PLBD1: variants seen among roughly 807,000 people sequenced by gnomAD.
The protein encoded by PLBD1 is lysosomal leucine aminopeptidase.
In PLBD1, 60 loss-of-function variants were observed where a neutral mutation model predicts 63.0. The observed-to-expected ratio is 0.95, with a 90% CI of 0.77 to 1.18. The LOEUF is 1.18. Ranked by LOEUF, PLBD1 falls within the 50% of genes most tolerant of loss-of-function variation. The pLI is 0.00. For missense variants in PLBD1, 598 were observed against 677.9 expected, an observed-to-expected ratio of 0.88 and a Z score of 1.31; for synonymous variants, 262 against 248.0, an observed-to-expected ratio of 1.06 and a Z score of -0.53.
intron 6 of PLBD1, among the ~76,000 whole-genome samples, chr12:14,532,296 A>G (rs1224040112): frequency 1.3e-5 from 2 of 152,234 alleles, no homozygotes. Context: ...AAAAGGCCTC[A>G]GAGGGGCCAG....
chr12:14,565,205 C>T (rs1019747556), intron 1 of PLBD1, among the ~76,000 whole-genome samples: 1 of 152,146 alleles, frequency 6.6e-6, no homozygotes, highest in Non-Finnish European at 1.5e-5. Flanking sequence ...GTAGCTCACA[C>T]CTGTAATCCC....
intron 8 of PLBD1, 65 bp downstream of exon 8, chr12:14,511,194 TC>T: frequency 9.8e-6 from 14 of 1,425,310 alleles, no homozygotes; most frequent in Non-Finnish European, 1.2e-5. Context: ...CAATGTGCAT[TC>T]CCCTACCATA....
intron 1 of PLBD1, among the ~76,000 whole-genome samples, chr12:14,561,046 G>C (rs377389859): frequency 6.6e-6 from 1 of 151,722 alleles, no homozygotes; most frequent in East Asian, 1.9e-4. Context: ...CCCTGAGGTG[G>C]AAATTAAGAG....
chr12:14,536,882 G>A (rs1475465787), intron 4 of PLBD1, among the ~76,000 whole-genome samples, 172 bp from the exon 5 acceptor site: 1 of 152,022 alleles, frequency 6.6e-6, no homozygotes, highest in African/African-American at 2.4e-5. Flanking sequence ...CGAGGTGAGG[G>A]GTTTGAGACC....
chr12:14,505,217 A>T (rs1368533334), intron 10 of PLBD1, among the ~76,000 whole-genome samples: 1 of 151,466 alleles, frequency 6.6e-6, no homozygotes, highest in Non-Finnish European at 1.5e-5. Flanking sequence ...ACTTTAAAGC[A>T]TTTCCTGTTT....
chr12:14,540,696 T>C, intron 4 of PLBD1, 68 bp downstream of exon 4: 2 of 1,402,102 alleles, frequency 1.4e-6, no homozygotes, highest in South Asian at 3.6e-5. Context: ...TGGAATGTTA[T>C]TTTAAAGATA....
At chr12:14,530,311 G>A (rs1476457584) in intron 6 of PLBD1, 1 of 152,172 alleles carries the variant, frequency 6.6e-6, no homozygotes, top group African/African-American at 2.4e-5. Context: ...CTCAGTCATT[G>A]AGTCTTCCAG....
chr12:14,508,153 T>C (rs1198615690), intron 8 of PLBD1, among the ~76,000 whole-genome samples: 1 of 152,224 alleles, frequency 6.6e-6, no homozygotes, highest in Non-Finnish European at 1.5e-5. Context: ...AAAACAGATT[T>C]GTTGCTAAAA....
chr12:14,535,626 A>C, intron 6 of PLBD1, 33 bp downstream of exon 6: 1 of 1,610,282 alleles, frequency 6.2e-7, no homozygotes, highest in Non-Finnish European at 8.5e-7. Flanking sequence ...AATAGTACTC[A>C]AAGTGCTCAG....
rs1487795970 is a variant in PLBD1, at chr12:14,528,722, T to A, written c.844+6937A>T. Reference sequence around the variant, plus strand: ...AAGTAAGTAGAAGAAAGAAAATAAATATAAAAATGGAAATTTTATCTTAAT... The same window carrying A: ...AAGTAAGTAGAAGAAAGAAAATAAAAATAAAAATGGAAATTTTATCTTAAT... On this transcript the variant is annotated intron_variant, in intron 6 of 10. Coordinates refer to ENST00000240617, the MANE Select transcript of PLBD1 (RefSeq NM_024829.6). 3.9e-5 allele frequency among the ~76,000 whole-genome samples: 6 copies of A among 151,982 alleles called. No homozygotes were observed. In the East Asian group the frequency reaches 1.2e-3, roughly 29 times the overall value.
intron 6 of PLBD1, among the ~76,000 whole-genome samples, chr12:14,529,903 T>C (rs1477971185): frequency 1.3e-5 from 2 of 152,178 alleles, no homozygotes; most frequent in Non-Finnish European, 2.9e-5. Context: ...TAGAAAGATC[T>C]CAGGATAATA....
At chr12:14,556,813 C>A (rs1028130990) in intron 1 of PLBD1, among the ~76,000 whole-genome samples, 1 of 151,280 alleles carries the variant, frequency 6.6e-6, no homozygotes, top group African/African-American at 2.4e-5. Context: ...GGAGCAACTC[C>A]GTCTCTACTA....
chr12:14,552,532 G>T (rs1376394790), intron 2 of PLBD1, among the ~76,000 whole-genome samples: 2 of 152,106 alleles, frequency 1.3e-5, no homozygotes, highest in African/African-American at 4.8e-5. Context: ...TGTTCTCAAG[G>T]AGTGACCCCA....
intron 2 of PLBD1, among the ~76,000 whole-genome samples, chr12:14,552,730 G>C (rs1945669657): frequency 1.3e-5 from 2 of 152,174 alleles, no homozygotes; most frequent in South Asian, 4.1e-4. Context: ...GGGAGACCCT[G>C]TCTTTGCAAA....
intron 1 of PLBD1, among the ~76,000 whole-genome samples, chr12:14,557,246 T>C (rs990356749): frequency 6.6e-6 from 1 of 152,074 alleles, no homozygotes; most frequent in African/African-American, 2.4e-5. Context: ...AGTTCAACCA[T>C]TGTGGTGATT....
intron 4 of PLBD1, among the ~76,000 whole-genome samples, chr12:14,538,895 G>A (rs752809948): frequency 6.6e-6 from 1 of 152,008 alleles, no homozygotes; most frequent in East Asian, 1.9e-4. Flanking sequence ...GCATGGTGGC[G>A]CATGCTTGTA....
chr12:14,536,872 CGAGGTGAGGGG>C (rs1565576796), intron 4 of PLBD1, among the ~76,000 whole-genome samples, 162 bp from the exon 5 acceptor site: 1 of 151,966 alleles, frequency 6.6e-6, no homozygotes, highest in African/African-American at 2.4e-5. Context: ...GTGGATCTCC[CGAGGTGAGGGG>C]TTTGAGACCA....
In PLBD1 at chr12:14,567,821, A is replaced by G; in HGVS notation, c.-125T>C. 7.9e-7 allele frequency: 1 copy of G among 1,272,044 alleles called. No homozygotes were observed. The highest frequency in any genetic ancestry group is 1.0e-6 in the Non-Finnish European group (1 of 989,616). The allele number at this position is 1,272,044 out of a possible 1,614,324, so 78.8% of individuals were successfully genotyped here. A position where few individuals can be genotyped will look rare whatever the true frequency, so the allele number is the denominator to read the frequency against. ...GCCTCTCCGAGGTGGGGCGTCCTCA[A>G]CTTTCCTCTTTCTTGAGCCCGGCCT... On this transcript the variant is annotated 5_prime_UTR_variant, in exon 1 of 11. Coordinates refer to ENST00000240617, the MANE Select transcript of PLBD1 (RefSeq NM_024829.6).
intron 6 of PLBD1, among the ~76,000 whole-genome samples, chr12:14,520,095 T>G (rs764690869): frequency 4.6e-5 from 7 of 152,146 alleles, no homozygotes; most frequent in Non-Finnish European, 1.0e-4. Context: ...TGAGAAGGGT[T>G]TTCCCTTGTA....
Sources: allele counts gnomAD v4.1 joint callset (sites outside exome capture counted in the v4.1 genomes callset), GRCh38; gene constraint gnomAD v4.1.1; transcripts MANE v1.5; gene names NCBI Gene and HGNC (gene_info 2026-07-23, HGNC 2026-07-21).